Variants in PCDHA4 observed in about 807,000 individuals in gnomAD.
PCDHA4 encodes the protein protocadherin alpha-4.
PCDHA4 carries 49 observed loss-of-function variants against 61.4 expected under a neutral mutation model. The observed-to-expected ratio is 0.80, with a 90% CI of 0.63 to 1.01. The LOEUF is 1.01. Among genes scored for constraint, PCDHA4 ranks in the 50% least tolerant of loss-of-function variants. The pLI, the probability that PCDHA4 is intolerant of heterozygous loss-of-function variation, is 0.00. For missense variants in PCDHA4, 1,254 were observed against 1,235.8 expected (o/e 1.01, Z -0.22); for synonymous variants, 590 against 550.3 (o/e 1.07, Z -1.01).
intron 1 of PCDHA4, chr5:140,929,631 A>G (rs1584645197): frequency 2.6e-6 from 1 of 386,808 alleles, no homozygotes; most frequent in Non-Finnish European, 4.7e-6. Flanking sequence ...TTTATAAGCA[A>G]CAGATGTGTA....
chr5:140,850,297 C>G, intron 1 of PCDHA4: 2 of 1,596,438 alleles, frequency 1.3e-6, no homozygotes, highest in Non-Finnish European at 1.7e-6. Flanking sequence ...GACGCCGACT[C>G]GGGCTACAAC....
chr5:140,867,997 T>C (rs2050231431), intron 1 of PCDHA4: 1 of 152,144 alleles, frequency 6.6e-6, no homozygotes. Flanking sequence ...TTCATGAATA[T>C]AACTGAATTA....
rs2150147237 is a variant in PCDHA4, at chr5:140,827,344, G to C, written c.2385+17772G>C. Among the ~76,000 whole-genome samples the C allele has an allele frequency of 1.2e-4, 18 of 152,280 alleles. No homozygotes were observed. In the South Asian group the frequency reaches 2.3e-3, roughly 19 times the overall value. ...TAGAATTTGAAGTGGTGAAGTATAT[G>C]AAAAGAAAATATTTTAAGCAAGAAT... On this transcript the variant is annotated intron_variant, in intron 1 of 3. Transcript: ENST00000530339.
intron 1 of PCDHA4, among the ~76,000 whole-genome samples, chr5:140,902,432 C>T (rs566549203): frequency 1.3e-5 from 2 of 152,128 alleles, no homozygotes; most frequent in African/African-American, 4.8e-5. Flanking sequence ...AAGTGGGCAT[C>T]CTTGTCATAT....
chr5:140,865,936 A>G (rs1279027190), intron 1 of PCDHA4: 2 of 152,184 alleles, frequency 1.3e-5, no homozygotes, highest in Non-Finnish European at 2.9e-5. Flanking sequence ...AAGAAACTTC[A>G]TGATTGTCTT....
Position 140,993,462 on chromosome 5 carries a change from T to A in PCDHA4, c.2533+10899T>A, listed in dbSNP as rs540334246. Among the ~76,000 whole-genome samples, 1,220 of 141,042 alleles carry A rather than the reference T, an allele frequency of 8.6e-3. 14 individuals carry two copies. The highest frequency in any genetic ancestry group is 0.02 in the African/African-American group (760 of 37,958). 92.5% of individuals were successfully genotyped at this position (141,042 alleles called of 152,430 possible). A position where few individuals can be genotyped will look rare whatever the true frequency, so the allele number is the denominator to read the frequency against. On this transcript the variant is annotated intron_variant, in intron 3 of 3. Coordinates refer to ENST00000530339, the MANE Select transcript of PCDHA4 (RefSeq NM_018907.4). ...CATTCCTGTTCTCCTTCTTTCTTTC[T>A]CACACACACACACACACACACACAC...
chr5:140,927,137 A>T, intron 1 of PCDHA4: 1 of 1,614,052 alleles, frequency 6.2e-7, no homozygotes, highest in Non-Finnish European at 8.5e-7. Context: ...GAGCCGGCGG[A>T]CCGCGAACAG....
chr5:140,950,708 T>A (rs1554219597), intron 1 of PCDHA4, among the ~76,000 whole-genome samples: 1 of 152,068 alleles, frequency 6.6e-6, no homozygotes, highest in East Asian at 1.9e-4. Context: ...AAATTTTTGT[T>A]CCTTATATCC....
At chr5:140,992,318 C>G (rs2097504992) in intron 3 of PCDHA4, among the ~76,000 whole-genome samples, 1 of 152,128 alleles carries the variant, frequency 6.6e-6, no homozygotes, top group African/African-American at 2.4e-5. Flanking sequence ...TGGGCATTCC[C>G]TTTTCTAAGA....
intron 1 of PCDHA4, among the ~76,000 whole-genome samples, chr5:140,978,369 A>G (rs1015473344): frequency 6.6e-6 from 1 of 152,196 alleles, no homozygotes; most frequent in Non-Finnish European, 1.5e-5. Flanking sequence ...CAAACTCTGC[A>G]ATAGTTTGTT....
In PCDHA4 at chr5:140,884,578, G is replaced by A. The variant is rs1554181757; in HGVS notation, c.2385+75006G>A. 6 of 1,614,104 alleles carry A rather than the reference G, an allele frequency of 3.7e-6. No homozygotes were observed. In the South Asian group the frequency reaches 4.4e-5, roughly 12 times the overall value. On this transcript the variant is annotated intron_variant, in intron 1 of 3. Transcript: ENST00000530339. ...AGGGCCCGCATAAGACGGACCTCAT[G>A]GCCTTCAGTCCCAGCCTTCCTCCTT...
At chr5:140,881,376 C>G in intron 1 of PCDHA4, 5 of 984,754 alleles carry the variant, frequency 5.1e-6, no homozygotes, top group Non-Finnish European at 6.0e-6. Context: ...GAATTGCAGC[C>G]GGCGGCGGTA....
At chr5:140,986,102 C>T (rs782067384) in intron 3 of PCDHA4, among the ~76,000 whole-genome samples, 14 of 152,102 alleles carry the variant, frequency 9.2e-5, no homozygotes, top group Non-Finnish European at 1.5e-5. Flanking sequence ...CTGCAAAAGC[C>T]TAAGATAAAG....
chr5:140,919,649 T>G (rs1252944920), intron 1 of PCDHA4, among the ~76,000 whole-genome samples: 1 of 152,202 alleles, frequency 6.6e-6, no homozygotes, highest in Non-Finnish European at 1.5e-5. Flanking sequence ...TTCTCTAGAG[T>G]TTACCATATA....
chr5:140,939,171 T>C (rs2092330047), intron 1 of PCDHA4, among the ~76,000 whole-genome samples: 1 of 152,170 alleles, frequency 6.6e-6, no homozygotes. Flanking sequence ...TGTCTGGTAA[T>C]GGCCCACTCC....
At chr5:140,871,636 T>C in intron 1 of PCDHA4, 1 of 1,364,788 alleles carries the variant, frequency 7.3e-7, no homozygotes, top group Non-Finnish European at 9.8e-7. Flanking sequence ...TGTCTGTTCA[T>C]AAAATACCAA....
Position 140,807,708 on chromosome 5 carries a change from C to T in PCDHA4, c.521C>T (p.Pro174Leu). 6.2e-7 allele frequency: 1 copy of T among 1,614,112 alleles called. No individual in the cohort carries two copies. Among genetic ancestry groups the T allele is most frequent in the Non-Finnish European group, 8.5e-7 (1 of 1,180,028 alleles). ...GCCCTGCTCACTTACAGACTGAGCC[C>T]AAATGAATACTTTTCTCTGGAAAAA... ...ENALLTYRLSPNEYFSLEKPP... is the reference protein window; with the variant it reads ...ENALLTYRLSLNEYFSLEKPP... The change falls in exon 1 of 4, where the codon CCA becomes CTA. Residue 174 changes from proline (P) to leucine (L), a missense_variant. Pro to Leu is a moderately conservative substitution (Grantham distance 98). Transcript: ENST00000530339.
At chr5:140,852,683 T>C (rs2042437090) in intron 1 of PCDHA4, 5 of 971,736 alleles carry the variant, frequency 5.1e-6, no homozygotes, top group Non-Finnish European at 6.2e-6. Flanking sequence ...ACCTTGAATA[T>C]AGTCTTATAC....
At chr5:141,000,413 ATATATATATTT>A (rs1563651437) in intron 3 of PCDHA4, among the ~76,000 whole-genome samples, 3 of 93,258 alleles carry the variant, frequency 3.2e-5, no homozygotes, top group African/African-American at 1.4e-4. Flanking sequence ...ATATATATAT[ATATATATATTT>A]TTTTTTTTTT....
Sources: allele counts gnomAD v4.1 joint callset (sites outside exome capture counted in the v4.1 genomes callset), GRCh38; gene constraint gnomAD v4.1.1; transcripts MANE v1.5; gene names NCBI Gene and HGNC (gene_info 2026-07-23, HGNC 2026-07-21).